MRAP2: variants seen among roughly 807,000 people sequenced by gnomAD.
The protein encoded by MRAP2 is melanocortin 2 receptor accessory protein 2, also known as melanocortin-2 receptor accessory protein 2.
A neutral mutation model predicts 17.4 loss-of-function variants in MRAP2; 20 were observed. The ratio of observed to expected loss-of-function variants is 1.15; its 90% CI spans 0.81 to 1.67. MRAP2 has a LOEUF of 1.67. Among genes scored for constraint, MRAP2 ranks in the 40% most tolerant of loss-of-function variants. The probability of loss-of-function intolerance (pLI) is 0.00; values close to 1 mark genes in which losing one functional copy is unlikely to be tolerated. For missense variants in MRAP2, 238 were observed against 240.0 expected, an observed-to-expected ratio of 0.99 and a Z score of 0.05; for synonymous variants, 96 against 88.4, an observed-to-expected ratio of 1.09 and a Z score of -0.48.
intron 3 of MRAP2, among the ~76,000 whole-genome samples, chr6:84,078,793 A>G (rs1354372780): frequency 2.0e-5 from 3 of 152,054 alleles, no homozygotes; most frequent in Non-Finnish European, 2.9e-5. Context: ...CCTTCTTTGT[A>G]GTGTTGTGAT....
chr6:84,137,064 A>G, the MRAP2 span, among the ~76,000 whole-genome samples: 1 of 152,246 alleles, frequency 6.6e-6, no homozygotes, highest in Admixed American at 6.5e-5. Context: ...CTTGTGGAGC[A>G]TGCGGCATCT....
At chr6:84,055,532 C>G in intron 2 of MRAP2, 87 bp downstream of exon 2, 1 of 1,361,446 alleles carries the variant, frequency 7.3e-7, no homozygotes, top group Non-Finnish European at 1.0e-6. Flanking sequence ...CCTGAGCATT[C>G]TTTCTTCTTT....
rs186576665 is a variant in MRAP2, at chr6:84,044,256, A to G, written c.-8+10373A>G. On this transcript the variant is annotated intron_variant, in intron 1 of 3. Coordinates refer to ENST00000257776, the MANE Select transcript of MRAP2 (RefSeq NM_138409.4). Reference sequence around the variant, plus strand: ...GGCTGGAGTGCAATGGCATGATCTCAGCTCACCGCCACCTCCGCCTCCCAG... The same window carrying G: ...GGCTGGAGTGCAATGGCATGATCTCGGCTCACCGCCACCTCCGCCTCCCAG... 6.4e-3 allele frequency among the ~76,000 whole-genome samples: 979 copies of G among 152,232 alleles called. 16 individuals are homozygous for G. Among genetic ancestry groups the G allele is most frequent in the African/African-American group, 0.022 (916 of 41,534 alleles).
chr6:84,033,194 C>T (rs1444181456), upstream of MRAP2, among the ~76,000 whole-genome samples: 1 of 152,176 alleles, frequency 6.6e-6, no homozygotes, highest in African/African-American at 2.4e-5. Context: ...CACCAAGCAC[C>T]TGTATTCCCA....
chr6:84,042,892 A>G (rs974882522), intron 1 of MRAP2, among the ~76,000 whole-genome samples: 2 of 152,156 alleles, frequency 1.3e-5, no homozygotes, highest in African/African-American at 2.4e-5. Flanking sequence ...TTTAACTTAC[A>G]TTTCCATTTC....
chr6:84,062,495 C>G (rs908660235), intron 2 of MRAP2: 2 of 966,520 alleles, frequency 2.1e-6, no homozygotes, highest in Non-Finnish European at 1.2e-6. Flanking sequence ...TTTAATTTGT[C>G]TAAAGTTTTT....
intron 3 of MRAP2, among the ~76,000 whole-genome samples, chr6:84,067,096 T>G (rs1288061549): frequency 6.6e-6 from 1 of 152,044 alleles, no homozygotes; most frequent in East Asian, 1.9e-4. Context: ...CTTTGTATCC[T>G]CATAGCTTAG....
chr6:84,125,048 C>A, the MRAP2 span: 1 of 1,576,424 alleles, frequency 6.3e-7, no homozygotes, highest in Non-Finnish European at 8.7e-7. Flanking sequence ...TTAATAAGGT[C>A]ATTATGAAAT....
chr6:84,063,508 G>C (rs966597347), intron 3 of MRAP2: 48 of 799,260 alleles, frequency 6.0e-5, no homozygotes, highest in Non-Finnish European at 7.3e-5. Context: ...AAACACTGTG[G>C]TTTACATAAT....
chr6:84,079,508 A>T (rs1204181073), intron 3 of MRAP2, among the ~76,000 whole-genome samples: 1 of 152,202 alleles, frequency 6.6e-6, no homozygotes, highest in South Asian at 2.1e-4. Flanking sequence ...CATATTTTGT[A>T]CTTAAGGTTT....
rs112410609 is a variant in MRAP2 at position 84,072,226 on chromosome 6, G to A, written c.227+9234G>A. 9.6e-3 allele frequency among the ~76,000 whole-genome samples: 1,463 copies of A among 152,274 alleles called. 33 individuals are homozygous for A. The highest frequency in any genetic ancestry group is 0.033 in the African/African-American group (1,352 of 41,540). ...GGCTCTGTCAGAGGGAAACTCTAGG[G>A]CTGAAGGCTGTTATTCATATACTTT... On this transcript the variant is annotated intron_variant, in intron 3 of 3. Transcript: ENST00000257776.
the MRAP2 span, among the ~76,000 whole-genome samples, chr6:84,114,968 C>T: frequency 6.7e-3 from 1,015 of 152,262 alleles, 7 homozygotes; most frequent in African/African-American, 0.023. Context: ...GAGGGGCACC[C>T]GTCAGATGCC....
chr6:84,107,292 C>A, the MRAP2 span, among the ~76,000 whole-genome samples: 3 of 152,246 alleles, frequency 2.0e-5, no homozygotes, highest in South Asian at 6.2e-4. Context: ...CATTGTGCCC[C>A]CTTCTTGGTT....
At chr6:84,079,135 G>T (rs891532568) in intron 3 of MRAP2, among the ~76,000 whole-genome samples, 1 of 152,176 alleles carries the variant, frequency 6.6e-6, no homozygotes. Context: ...TACTCACATA[G>T]TCCCAAGCTA....
At chr6:84,042,201 A>T (rs766042701) in intron 1 of MRAP2, among the ~76,000 whole-genome samples, 1 of 152,092 alleles carries the variant, frequency 6.6e-6, no homozygotes, top group African/African-American at 2.4e-5. Flanking sequence ...GTGAAGAAGG[A>T]TGTGTTTGCT....
chr6:84,088,425 G>A (rs2099501012), intron 3 of MRAP2, among the ~76,000 whole-genome samples: 1 of 152,126 alleles, frequency 6.6e-6, no homozygotes, highest in Non-Finnish European at 1.5e-5. Flanking sequence ...AGGAATCTGG[G>A]TTTTATTCCC....
At chr6:84,123,068 C>T in the MRAP2 span, among the ~76,000 whole-genome samples, 2 of 151,868 alleles carry the variant, frequency 1.3e-5, no homozygotes, top group Non-Finnish European at 2.9e-5. Flanking sequence ...ACAGAAGAAA[C>T]TGCAGATGAC....
At chr6:84,056,287 G>A (rs564786390) in intron 2 of MRAP2, among the ~76,000 whole-genome samples, 1 of 152,330 alleles carries the variant, frequency 6.6e-6, no homozygotes, top group South Asian at 2.1e-4. Flanking sequence ...AGAAACAAAT[G>A]TAGCAAAGAA....
chr6:84,047,695 C>T (rs2099489401), intron 1 of MRAP2, among the ~76,000 whole-genome samples: 1 of 152,064 alleles, frequency 6.6e-6, no homozygotes, highest in Non-Finnish European at 1.5e-5. Context: ...AACAATTTCC[C>T]ATTTCCCTAC....
Sources: gnomAD v4.1 joint callset for allele counts (sites outside exome capture counted in the v4.1 genomes callset) on GRCh38, gnomAD v4.1.1 for gene constraint, MANE v1.5 for transcripts, NCBI Gene and HGNC (gene_info 2026-07-23, HGNC 2026-07-21) for gene names.